Variants in CSMD1 observed in about 807,000 individuals in gnomAD.
CSMD1 encodes the protein CUB and sushi domain-containing protein 1.
Under a neutral mutation model 417.5 loss-of-function variants are expected in CSMD1, and 213 were observed. The observed-to-expected ratio is 0.51, with a 90% CI of 0.46 to 0.57. The LOEUF (loss-of-function observed/expected upper bound fraction) is 0.57, where lower values mean the gene tolerates loss of function less well. Among genes scored for constraint, CSMD1 ranks in the 20% least tolerant of loss-of-function variants. The pLI, the probability that CSMD1 is intolerant of heterozygous loss-of-function variation, is 0.00. For missense variants in CSMD1, 6,923 were observed against 4,529.7 expected, an observed-to-expected ratio of 1.53 and a Z score of -15.17; for synonymous variants, 2,862 against 1,736.8, an observed-to-expected ratio of 1.65 and a Z score of -16.11.
At chr8:4,742,518 T>A (rs2117011216) in intron 1 of CSMD1, among the ~76,000 whole-genome samples, 1 of 152,086 alleles carries the variant, frequency 6.6e-6, no homozygotes, top group East Asian at 1.9e-4. Flanking sequence ...ACATAGAAAA[T>A]ATTTTATAAA....
chr8:4,021,962 G>C (rs1234339237), intron 4 of CSMD1, among the ~76,000 whole-genome samples: 2 of 151,822 alleles, frequency 1.3e-5, no homozygotes, highest in Non-Finnish European at 2.9e-5. Context: ...ACTAGCTTCA[G>C]TCAAGTGCTG....
intron 5 of CSMD1, among the ~76,000 whole-genome samples, chr8:3,926,589 G>C (rs1563219057): frequency 6.6e-6 from 1 of 150,806 alleles, no homozygotes; most frequent in African/African-American, 2.4e-5. Context: ...TTTATTTCTG[G>C]TTAATTTTAT....
intron 10 of CSMD1, among the ~76,000 whole-genome samples, chr8:3,495,511 T>G (rs1334036629): frequency 6.6e-6 from 1 of 152,212 alleles, no homozygotes; most frequent in Non-Finnish European, 1.5e-5. Context: ...AAAGTCTTTG[T>G]CAGTATTTCA....
chr8:3,572,208 G>GC (rs754705810), intron 10 of CSMD1, among the ~76,000 whole-genome samples: 1 of 152,134 alleles, frequency 6.6e-6, no homozygotes, highest in Non-Finnish European at 1.5e-5. Flanking sequence ...GGCGGTGGGA[G>GC]CCCCCTCTCA....
intron 10 of CSMD1, among the ~76,000 whole-genome samples, chr8:3,522,416 G>T (rs980766977): frequency 6.6e-6 from 1 of 152,142 alleles, no homozygotes; most frequent in East Asian, 1.9e-4. Context: ...TGGGGGTTTT[G>T]TATCTACCAG....
At position 3,945,667 on chromosome 8, in the gene CSMD1, G is replaced by T. The variant is rs573551895; in HGVS notation, c.818+52236C>A. On this transcript the variant is annotated intron_variant, in intron 5 of 69. Coordinates refer to ENST00000635120, the MANE Select transcript of CSMD1 (RefSeq NM_033225.6). ...AAGCCTGATGTATTATTTTACTTAG[G>T]TGAAATGACGACAGTCCAGATAGCT... 2.0e-5 allele frequency among the ~76,000 whole-genome samples: 3 copies of T among 152,008 alleles called. No homozygotes were observed. In the East Asian group the frequency reaches 5.8e-4, roughly 29 times the overall value.
intron 32 of CSMD1, among the ~76,000 whole-genome samples, chr8:3,201,029 G>A (rs1269496044): frequency 1.3e-5 from 2 of 152,240 alleles, no homozygotes; most frequent in South Asian, 2.1e-4. Flanking sequence ...CAGAGTAAGG[G>A]CATTGGGTGC....
chr8:3,170,353 G>A (rs546822801), intron 37 of CSMD1, among the ~76,000 whole-genome samples: 27 of 152,202 alleles, frequency 1.8e-4, no homozygotes, highest in East Asian at 1.6e-3. Context: ...GACTACAGGC[G>A]CCTACCACCA....
intron 62 of CSMD1, among the ~76,000 whole-genome samples, chr8:2,959,613 C>T (rs528550698): frequency 2.6e-5 from 4 of 152,200 alleles, no homozygotes; most frequent in East Asian, 3.9e-4. Context: ...CATACACTAA[C>T]CCTGGAGCTA....
At chr8:4,642,894 G>A (rs574795739) in intron 1 of CSMD1, among the ~76,000 whole-genome samples, 3 of 152,298 alleles carry the variant, frequency 2.0e-5, no homozygotes, top group East Asian at 3.9e-4. Flanking sequence ...ATACTGTTCT[G>A]TATGTGGAGA....
At chr8:4,404,021 T>A (rs1403282840) in intron 3 of CSMD1, among the ~76,000 whole-genome samples, 1 of 152,194 alleles carries the variant, frequency 6.6e-6, no homozygotes, top group Non-Finnish European at 1.5e-5. Flanking sequence ...TCGATTGGTA[T>A]TAAAGTTAAA....
chr8:4,176,363 C>T (rs56216951), intron 3 of CSMD1, among the ~76,000 whole-genome samples: 28 of 152,090 alleles, frequency 1.8e-4, no homozygotes, highest in African/African-American at 6.3e-4. Context: ...AGTATGACAA[C>T]AATCTACACT....
intron 23 of CSMD1, among the ~76,000 whole-genome samples, chr8:3,320,452 T>C (rs1806076387): frequency 6.6e-6 from 1 of 152,278 alleles, no homozygotes; most frequent in Admixed American, 6.5e-5. Flanking sequence ...ACAAGTAAAA[T>C]CCATGTAAAT....
At chr8:4,458,964 C>T (rs1563198291) in intron 2 of CSMD1, among the ~76,000 whole-genome samples, 1 of 152,206 alleles carries the variant, frequency 6.6e-6, no homozygotes, top group Non-Finnish European at 1.5e-5. Flanking sequence ...GAGGAAACAT[C>T]TAACCAAGAA....
At chr8:4,342,265 G>A (rs889644780) in intron 3 of CSMD1, among the ~76,000 whole-genome samples, 1 of 150,998 alleles carries the variant, frequency 6.6e-6, no homozygotes, top group Non-Finnish European at 1.5e-5. Flanking sequence ...GTATGTGTGT[G>A]TGTAGAGGGA....
intron 2 of CSMD1, among the ~76,000 whole-genome samples, chr8:4,631,780 C>T (rs751470279): frequency 2.3e-4 from 35 of 152,302 alleles, no homozygotes; most frequent in Non-Finnish European, 3.7e-4. Context: ...TCTTCATTAT[C>T]AGCATTGCAG....
chr8:4,706,846 G>T (rs1055148253), intron 1 of CSMD1, among the ~76,000 whole-genome samples: 1 of 152,170 alleles, frequency 6.6e-6, no homozygotes, highest in Non-Finnish European at 1.5e-5. Context: ...TGAGAGAATG[G>T]GGGAAACTTC....
intron 6 of CSMD1, among the ~76,000 whole-genome samples, chr8:3,722,640 C>T (rs1802253353): frequency 6.6e-6 from 1 of 152,138 alleles, no homozygotes; most frequent in African/African-American, 2.4e-5. Flanking sequence ...CTGTTTGGTC[C>T]AGGCATGAAA....
intron 5 of CSMD1, among the ~76,000 whole-genome samples, chr8:3,882,730 A>C (rs2129122072): frequency 6.6e-6 from 1 of 152,344 alleles, no homozygotes; most frequent in Admixed American, 6.5e-5. Context: ...ACAACAATGT[A>C]GGTGAATGTC....
Sources: gnomAD v4.1 joint callset for allele counts (sites outside exome capture counted in the v4.1 genomes callset) on GRCh38, gnomAD v4.1.1 for gene constraint, MANE v1.5 for transcripts, NCBI Gene and HGNC (gene_info 2026-07-23, HGNC 2026-07-21) for gene names.